Variants in BMPR2 observed in about 807,000 individuals in gnomAD.
BMPR2 encodes bone morphogenetic protein receptor type 2.
Under a neutral mutation model 100.8 loss-of-function variants are expected in BMPR2, and 29 were observed. The ratio of observed to expected loss-of-function variants is 0.29; its 90% CI spans 0.21 to 0.39. The LOEUF (loss-of-function observed/expected upper bound fraction) is 0.39. Ranked by LOEUF, BMPR2 falls within the 10% of genes least tolerant of loss-of-function variation. The pLI is 1.00. For synonymous variants in BMPR2, 382 were observed against 442.3 expected (o/e 0.86, Z 1.71); for missense variants, 1,011 against 1,274.5 (o/e 0.79, Z 3.15).
chr2:202,391,711 G>A (rs888135049), intron 1 of BMPR2, among the ~76,000 whole-genome samples: 5 of 143,878 alleles, frequency 3.5e-5, no homozygotes, highest in South Asian at 4.5e-4. Context: ...TCAGCCCCCC[G>A]AGTAGCTGGG....
intron 1 of BMPR2, among the ~76,000 whole-genome samples, chr2:202,378,487 T>A (rs1420282326): frequency 6.6e-5 from 10 of 152,216 alleles, no homozygotes; most frequent in Admixed American, 6.5e-4. Flanking sequence ...TTACTTTTTT[T>A]CTTTTGATAA....
intron 3 of BMPR2, among the ~76,000 whole-genome samples, chr2:202,502,916 G>A (rs1043598851): frequency 5.3e-5 from 8 of 152,130 alleles, no homozygotes; most frequent in African/African-American, 9.7e-5. Flanking sequence ...GCTGTTACTC[G>A]CCTTTGGGCC....
chr2:202,476,586 G>A (rs1483182892), intron 3 of BMPR2, among the ~76,000 whole-genome samples: 1 of 151,958 alleles, frequency 6.6e-6, no homozygotes, highest in African/African-American at 2.4e-5. Flanking sequence ...TTCAGGAGTT[G>A]GAGACCAGCC....
intron 1 of BMPR2, among the ~76,000 whole-genome samples, chr2:202,426,785 G>A (rs1691394925): frequency 6.6e-6 from 1 of 152,028 alleles, no homozygotes; most frequent in African/African-American, 2.4e-5. Context: ...AGGAGGGTGA[G>A]GCAGAAGGAG....
intron 3 of BMPR2, among the ~76,000 whole-genome samples, chr2:202,477,283 A>G (rs1456599659): frequency 6.6e-6 from 1 of 152,202 alleles, no homozygotes; most frequent in Non-Finnish European, 1.5e-5. Flanking sequence ...AGAAACTATT[A>G]CAAACATCCT....
intron 3 of BMPR2, among the ~76,000 whole-genome samples, chr2:202,487,868 C>G (rs535633630): frequency 7.2e-5 from 11 of 152,312 alleles, no homozygotes; most frequent in Admixed American, 2.0e-4. Flanking sequence ...ACCACCAACA[C>G]CCGGCCAATT....
intron 1 of BMPR2, among the ~76,000 whole-genome samples, chr2:202,434,908 A>AAAAAAATATATATATATAT (rs1559037398): frequency 5.2e-5 from 2 of 38,412 alleles, no homozygotes; most frequent in Non-Finnish European, 8.7e-5. Context: ...AAAAAAAAAA[A>AAAAAAATATATATATATAT]ATATATATAT....
rs1688223667 is a variant in BMPR2, at chr2:202,539,148, A to C, written c.1277-3163A>C. On this transcript the variant is annotated intron_variant, in intron 9 of 12. Coordinates refer to ENST00000374580, the MANE Select transcript of BMPR2 (RefSeq NM_001204.7). The stretch of plus-strand genomic sequence containing the variant: ...AACTGAAAAATCCTAATGCCTTGTA[A>C]GTCAGTATTAGAAAACTTTAAGAAC... Among the ~76,000 whole-genome samples the C allele has an allele frequency of 5.9e-5, 9 of 152,306 alleles. No homozygotes were observed. The South Asian group carries it at 1.7e-3, about 28-fold the overall frequency.
intron 8 of BMPR2, 118 bp downstream of exon 8, chr2:202,531,072 G>A: frequency 8.1e-7 from 1 of 1,235,390 alleles, no homozygotes; most frequent in East Asian, 2.5e-5. Context: ...GTAGGCCCAG[G>A]TGGGTGGATC....
At chr2:202,424,392 C>T (rs1019844136) in intron 1 of BMPR2, among the ~76,000 whole-genome samples, 3 of 143,226 alleles carry the variant, frequency 2.1e-5, no homozygotes, top group South Asian at 4.4e-4. Flanking sequence ...AAAAAAAACA[C>T]GTTTTTTATA....
chr2:202,541,926 A>G (rs1052438961), intron 9 of BMPR2, among the ~76,000 whole-genome samples: 2 of 152,124 alleles, frequency 1.3e-5, no homozygotes, highest in African/African-American at 4.8e-5. Flanking sequence ...AGCCTGGCCA[A>G]CATGGTGAAA....
chr2:202,467,532 C>A lies in BMPR2; in HGVS notation c.261C>A (p.His87Gln). Residue 87 changes from histidine (H) to glutamine (Q), a missense_variant, in exon 3 of 13, where the codon CAC becomes CAA. This residue lies in a region of BMPR2 where 355 missense variants were observed against 455.3 expected (regional missense o/e 0.78). Transcript: ENST00000374580. ...INLVKQGCWS[H>Q]IGDPQECHYE... is the part of the protein sequence containing the mutation. ...ATTGATTTATAGGATGTTGGTCTCA[C>A]ATTGGAGATCCCCAAGAGTGTCACT... 6.4e-7 allele frequency: 1 copy of A among 1,557,948 alleles called. No homozygotes were observed. The highest frequency in any genetic ancestry group is 8.9e-7 in the Non-Finnish European group (1 of 1,129,022).
At chr2:202,524,382 T>C (rs1002907916) in intron 7 of BMPR2, among the ~76,000 whole-genome samples, 2 of 146,106 alleles carry the variant, frequency 1.4e-5, no homozygotes, top group African/African-American at 5.0e-5. Context: ...AAAAAACAAC[T>C]ACCTGTTGGG....
chr2:202,391,286 A>G (rs1016724344), intron 1 of BMPR2, among the ~76,000 whole-genome samples: 25 of 151,516 alleles, frequency 1.6e-4, no homozygotes, highest in African/African-American at 5.6e-4. Context: ...AAGTAGTCTT[A>G]TAGTTTTGTT....
At position 202,521,497 on chromosome 2, in the gene BMPR2, G is replaced by T. The variant is rs550675302; in HGVS notation, c.967+1296G>T. Among the ~76,000 whole-genome samples the T allele has an allele frequency of 2.6e-5, 4 of 152,154 alleles. No homozygotes were observed. In the East Asian group the frequency reaches 7.7e-4, roughly 29 times the overall value. ...TGGGAGGATTGTTTGAGCCTGGGAG[G>T]TGAAGGTTCTAGTTAGCTGAAATCA... On this transcript the variant is annotated intron_variant, in intron 7 of 12. Coordinates refer to ENST00000374580, the MANE Select transcript of BMPR2 (RefSeq NM_001204.7).
At chr2:202,378,692 T>A (rs763119865) in intron 1 of BMPR2, among the ~76,000 whole-genome samples, 1 of 152,236 alleles carries the variant, frequency 6.6e-6, no homozygotes, top group Non-Finnish European at 1.5e-5. Context: ...TATGGTTCTG[T>A]TAAAATAATT....
chr2:202,407,638 G>A (rs1356393062), intron 1 of BMPR2, among the ~76,000 whole-genome samples: 4 of 151,350 alleles, frequency 2.6e-5, no homozygotes, highest in Admixed American at 6.6e-5. Flanking sequence ...GCGTGGTGGC[G>A]GGCGCCTGTA....
In BMPR2 at chr2:202,421,015, C is replaced by T. The variant is rs903814844; in HGVS notation, c.76+43465C>T. Among the ~76,000 whole-genome samples, 11 of 150,898 alleles carry T rather than the reference C, an allele frequency of 7.3e-5. No homozygotes were observed. In the East Asian group the frequency reaches 1.2e-3, roughly 16 times the overall value. On this transcript the variant is annotated intron_variant, in intron 1 of 12. Transcript: ENST00000374580. ...CTGTAATCCCAGCACTTTGGGAGGC[C>T]GAGGCGGGTGGATCACTTGAGGTCA...
chr2:202,537,856 C>T (rs111907971), intron 9 of BMPR2, among the ~76,000 whole-genome samples: 12 of 152,006 alleles, frequency 7.9e-5, no homozygotes, highest in African/African-American at 2.7e-4. Context: ...GTGTGGCTCA[C>T]GCCTGCAAAC....
Sources: allele counts gnomAD v4.1 joint callset (sites outside exome capture counted in the v4.1 genomes callset), GRCh38; gene constraint gnomAD v4.1.1; regional missense constraint gnomAD v4.1.1; transcripts MANE v1.5; gene names NCBI Gene and HGNC (gene_info 2026-07-23, HGNC 2026-07-21).